The following IQCM variants were observed in gnomAD, a reference collection of about 807,000 sequenced individuals.
IQCM encodes IQ motif containing M, also known as IQ domain-containing protein M.
IQCM carries 45 observed loss-of-function variants against 57.6 expected under a neutral mutation model. That is an observed-to-expected ratio of 0.78 (90% CI 0.62 to 1.00). The LOEUF is 1.00. Among genes scored for constraint, IQCM ranks in the 50% least tolerant of loss-of-function variants. The pLI is 0.00. For synonymous variants in IQCM, 148 were observed against 158.9 expected (o/e 0.93, Z 0.51); for missense variants, 468 against 511.6 (o/e 0.91, Z 0.82).
Position 149,351,911 on chromosome 4 carries a change from G to A in IQCM, c.*40C>T. ...CAGTGTTAACTTGTCTCTTTGGGTA[G>A]AGAAGTTTAACTATTACAGGTAATA... On this transcript the variant is annotated 3_prime_UTR_variant, in exon 14 of 14. Coordinates refer to ENST00000636793, the MANE Select transcript of IQCM (RefSeq NM_001363507.2). 1 of 398,462 alleles carries A rather than the reference G, an allele frequency of 2.5e-6. No homozygotes were observed. The highest frequency in any genetic ancestry group is 4.4e-6 in the Non-Finnish European group (1 of 225,836). 24.7% of individuals were successfully genotyped at this position (398,462 alleles called of 1,614,324 possible).
rs989021007 is a variant in IQCM at position 149,388,538 on chromosome 4, TTATATATAA to T, written c.1391-36481_1391-36473del. 3.3e-3 allele frequency among the ~76,000 whole-genome samples: 440 copies of T among 134,120 alleles called. 6 individuals are homozygous for T. Among genetic ancestry groups the T allele is most frequent in the African/African-American group, 0.011 (419 of 37,280 alleles). The allele number at this position is 134,120 out of a possible 152,430, so 88.0% of individuals were successfully genotyped here. A position where few individuals can be genotyped will look rare whatever the true frequency, so the allele number is the denominator to read the frequency against. On this transcript the variant is annotated intron_variant, in intron 13 of 13. Transcript: ENST00000636793. ...ACATATATATTATATATATTATATA[TTATATATAA>T]TATATATAATATATTTATATACATA...
chr4:149,358,781 G>A (rs1729199077), intron 13 of IQCM, among the ~76,000 whole-genome samples: 1 of 95,092 alleles, frequency 1.1e-5, no homozygotes, highest in African/African-American at 4.2e-5. Flanking sequence ...TTGTAGGCTG[G>A]GGACAGAGAA....
At chr4:149,388,907 G>A (rs1302475702) in intron 13 of IQCM, among the ~76,000 whole-genome samples, 1 of 150,962 alleles carries the variant, frequency 6.6e-6, no homozygotes, top group East Asian at 2.0e-4. Flanking sequence ...ATAACTTGCA[G>A]ATATTTTTTC....
chr4:149,378,876 A>C (rs902613758), intron 13 of IQCM, among the ~76,000 whole-genome samples: 1 of 152,152 alleles, frequency 6.6e-6, no homozygotes, highest in African/African-American at 2.4e-5. Context: ...CCCATCACAA[A>C]CCTGGAGGCC....
intron 13 of IQCM, among the ~76,000 whole-genome samples, chr4:149,391,981 A>G (rs1165252958): frequency 6.6e-6 from 1 of 151,906 alleles, no homozygotes; most frequent in Non-Finnish European, 1.5e-5. Flanking sequence ...CTAGATGTCT[A>G]TTAAAGTCTA....
intron 5 of IQCM, among the ~76,000 whole-genome samples, chr4:149,728,847 T>C (rs746530741): frequency 4.6e-5 from 7 of 152,160 alleles, no homozygotes; most frequent in Non-Finnish European, 1.0e-4. Flanking sequence ...CAACCCAAAG[T>C]TCCCCCTAGG....
intron 13 of IQCM, among the ~76,000 whole-genome samples, chr4:149,381,153 C>A (rs916932665): frequency 6.6e-6 from 1 of 152,134 alleles, no homozygotes; most frequent in Non-Finnish European, 1.5e-5. Flanking sequence ...CCCCATAGCA[C>A]GTCCTGCTGA....
chr4:149,726,808 T>A (rs1174600798), intron 5 of IQCM, among the ~76,000 whole-genome samples: 1 of 152,098 alleles, frequency 6.6e-6, no homozygotes, highest in East Asian at 1.9e-4. Context: ...ATACTATATA[T>A]CTTTTTTTTT....
At chr4:149,760,516 C>T (rs1053819416) in intron 2 of IQCM, among the ~76,000 whole-genome samples, 6 of 152,094 alleles carry the variant, frequency 3.9e-5, no homozygotes, top group African/African-American at 1.4e-4. Flanking sequence ...AGCCAATCTT[C>T]CTCCAGAGAA....
At chr4:149,795,156 A>C (rs2150037456) in intron 2 of IQCM, among the ~76,000 whole-genome samples, 1 of 152,312 alleles carries the variant, frequency 6.6e-6, no homozygotes, top group Non-Finnish European at 1.5e-5. Context: ...GCAGAAGAAA[A>C]GAGTAGTGAA....
intron 13 of IQCM, among the ~76,000 whole-genome samples, chr4:149,365,603 T>G (rs1187781060): frequency 1.3e-5 from 2 of 152,180 alleles, no homozygotes; most frequent in Non-Finnish European, 2.9e-5. Flanking sequence ...AACACTACTT[T>G]GGACAGGTAA....
chr4:149,441,799 A>C (rs1735966228), intron 12 of IQCM, among the ~76,000 whole-genome samples: 1 of 152,156 alleles, frequency 6.6e-6, no homozygotes, highest in Non-Finnish European at 1.5e-5. Context: ...TGTTTTGTCC[A>C]AAATTCAGCT....
At chr4:149,593,201 T>C (rs1262304119) in intron 8 of IQCM, among the ~76,000 whole-genome samples, 2 of 152,146 alleles carry the variant, frequency 1.3e-5, no homozygotes, top group African/African-American at 4.8e-5. Context: ...CCTAGGTATT[T>C]TATTCTCTTT....
At chr4:149,617,742 C>T (rs1389381656) in intron 8 of IQCM, among the ~76,000 whole-genome samples, 1 of 151,998 alleles carries the variant, frequency 6.6e-6, no homozygotes, top group Non-Finnish European at 1.5e-5. Context: ...AAATCAATAA[C>T]TCAATCCCAT....
chr4:149,608,968 T>C lies in IQCM; in HGVS notation c.681+12161A>G, dbSNP rs543191643. 6.6e-5 allele frequency among the ~76,000 whole-genome samples: 10 copies of C among 151,342 alleles called. No homozygotes were observed. The South Asian group carries it at 1.5e-3, about 22-fold the overall frequency. On this transcript the variant is annotated intron_variant, in intron 8 of 13. Transcript: ENST00000636793. ...ATCAAAAACCAAAAAGATGGTATCTTAAAAGGACAACAAAATGAACAAAAG... is the reference window on the plus strand; with the variant it reads ...ATCAAAAACCAAAAAGATGGTATCTCAAAAGGACAACAAAATGAACAAAAG...
intron 7 of IQCM, among the ~76,000 whole-genome samples, chr4:149,681,468 A>T (rs775449911): frequency 6.6e-6 from 1 of 151,258 alleles, no homozygotes; most frequent in Non-Finnish European, 1.5e-5. Flanking sequence ...GTGAGCTTCC[A>T]CTTAATGCTT....
At chr4:149,671,198 G>A (rs1352364254) in intron 7 of IQCM, among the ~76,000 whole-genome samples, 1 of 152,082 alleles carries the variant, frequency 6.6e-6, no homozygotes, top group South Asian at 2.1e-4. Context: ...ACTTCTTCCT[G>A]GTTTAGTCTT....
intron 13 of IQCM, among the ~76,000 whole-genome samples, chr4:149,368,467 T>C (rs902988871): frequency 1.1e-4 from 17 of 151,948 alleles, no homozygotes; most frequent in African/African-American, 3.6e-4. Flanking sequence ...CAAAGAATAC[T>C]CAACCATTTC....
At chr4:149,537,372 G>T (rs1747400475) in intron 12 of IQCM, among the ~76,000 whole-genome samples, 1 of 145,192 alleles carries the variant, frequency 6.9e-6, no homozygotes. Flanking sequence ...AAAGGCAGAA[G>T]AAAGAAATAG....
Sources: allele counts gnomAD v4.1 joint callset (sites outside exome capture counted in the v4.1 genomes callset), GRCh38; gene constraint gnomAD v4.1.1; transcripts MANE v1.5; gene names NCBI Gene and HGNC (gene_info 2026-07-23, HGNC 2026-07-21).